Variants in TG observed in about 807,000 individuals in gnomAD.
TG encodes thyroglobulin, also known as thyroid hormones.
In TG, 270 loss-of-function variants were observed where a neutral mutation model predicts 324.7. The ratio of observed to expected loss-of-function variants is 0.83; its 90% CI spans 0.75 to 0.92. The LOEUF is 0.92. Among genes scored for constraint, TG ranks in the 40% least tolerant of loss-of-function variants. The pLI, the probability that TG is intolerant of heterozygous loss-of-function variation, is 0.00. For synonymous variants in TG, 1,401 were observed against 1,327.0 expected (o/e 1.06, Z -1.21); for missense variants, 3,591 against 3,456.4 (o/e 1.04, Z -0.98).
At chr8:133,118,318 TC>T (rs1850864370) in intron 45 of TG, among the ~76,000 whole-genome samples, 5 of 137,284 alleles carry the variant, frequency 3.6e-5, no homozygotes, top group Non-Finnish European at 7.7e-5. Context: ...AACAGATTCT[TC>T]CTTTTTTTTT....
intron 35 of TG, among the ~76,000 whole-genome samples, chr8:133,006,429 G>C (rs1020173121): frequency 6.6e-6 from 1 of 152,258 alleles, no homozygotes; most frequent in African/African-American, 2.4e-5. Flanking sequence ...AAGAGAATCT[G>C]ATGCTCACCC....
chr8:132,880,397 T>C (rs1291207290), intron 5 of TG, among the ~76,000 whole-genome samples: 2 of 152,250 alleles, frequency 1.3e-5, no homozygotes, highest in Non-Finnish European at 2.9e-5. Context: ...ATTATTATAC[T>C]ATTATGAGTA....
intron 41 of TG, among the ~76,000 whole-genome samples, chr8:133,058,591 C>T (rs564401382): frequency 7.6e-4 from 115 of 152,248 alleles, no homozygotes; most frequent in African/African-American, 2.4e-3. Context: ...CAGGGCCCTG[C>T]GGTGTCAGTT....
chr8:132,997,143 A>G (rs1049509128), intron 35 of TG, among the ~76,000 whole-genome samples: 1 of 152,236 alleles, frequency 6.6e-6, no homozygotes, highest in Non-Finnish European at 1.5e-5. Context: ...TCCTTTCTAG[A>G]TGAACATTCA....
chr8:132,881,758 C>A, intron 5 of TG, 105 bp from the exon 6 acceptor site: 1 of 793,236 alleles, frequency 1.3e-6, no homozygotes, highest in Non-Finnish European at 2.3e-6. Context: ...AGAAAGTAGA[C>A]ATTCCTTTTC....
chr8:132,908,071 T>A lies in TG; in HGVS notation c.3848-115T>A, dbSNP rs907730407. ...TCAGAATGACAATGCAAAATGGCAG[T>A]GCTTATGTGTTTTGAGCTCAATGAG... On this transcript the variant is annotated intron_variant, in intron 17 of 47. Transcript: ENST00000220616. 5 of 1,192,512 alleles carry A rather than the reference T, an allele frequency of 4.2e-6. No individual in the cohort carries two copies. In the African/African-American group the frequency reaches 7.3e-5, roughly 17 times the overall value. The allele number at this position is 1,192,512 out of a possible 1,614,324, so 73.9% of individuals were successfully genotyped here.
intron 41 of TG, among the ~76,000 whole-genome samples, chr8:133,070,190 C>T (rs1040499730): frequency 2.0e-5 from 3 of 152,022 alleles, no homozygotes; most frequent in Admixed American, 2.0e-4. Context: ...TAAATACTCC[C>T]ACCATGCTGA....
chr8:132,905,701 C>G (rs1818573472), intron 16 of TG, among the ~76,000 whole-genome samples: 1 of 152,110 alleles, frequency 6.6e-6, no homozygotes, highest in Non-Finnish European at 1.5e-5. Context: ...TCCCTGTGGA[C>G]TCAACCCAGT....
chr8:133,019,662 T>A lies in TG; in HGVS notation c.6843T>A (p.Cys2281Ter). ...CGTCTCCTGGAGTCAGTGAAGATTG[T>A]TTGTATCTCAATGTGTTCATCCCTC... The part of the protein sequence containing the change: ...TSTSPGVSED[C>*]LYLNVFIPQN... Residue 2281 changes from cysteine (C) to a stop codon, truncating the protein, a stop_gained, in exon 39 of 48, where the codon TGT (cysteine) becomes TGA (stop). Transcript: ENST00000220616. LOFTEE classifies it high-confidence loss of function. 1 of 1,613,610 alleles carries A rather than the reference T, an allele frequency of 6.2e-7. No homozygotes were observed. Among genetic ancestry groups the A allele is most frequent in the Non-Finnish European group, 8.5e-7 (1 of 1,179,706 alleles).
rs149351134 is a variant in TG, at chr8:133,036,385, A to G, written c.7239+6362A>G. The stretch of plus-strand genomic sequence containing the variant: ...GTGTCTATTTAGTAGGTGTCCAGAA[A>G]TATCTGCAGAAAGAAATTCTTGGAA... On this transcript the variant is annotated intron_variant, in intron 41 of 47. Coordinates refer to ENST00000220616, the MANE Select transcript of TG (RefSeq NM_003235.5). Among the ~76,000 whole-genome samples the G allele has an allele frequency of 3.9e-3, 593 of 152,356 alleles. 7 individuals are homozygous for G. Among genetic ancestry groups the G allele is most frequent in the African/African-American group, 0.014 (566 of 41,584 alleles).
intron 10 of TG, among the ~76,000 whole-genome samples, chr8:132,893,010 TGTGTG>T (rs1184892067): frequency 7.3e-6 from 1 of 136,252 alleles, no homozygotes; most frequent in African/African-American, 3.2e-5. Context: ...ATGTGGGTGG[TGTGTG>T]TGTGTGTGGT....
chr8:133,114,204 T>C (rs1850506167), intron 44 of TG, among the ~76,000 whole-genome samples: 1 of 152,148 alleles, frequency 6.6e-6, no homozygotes, highest in Non-Finnish European at 1.5e-5. Context: ...CAGCCCAAGC[T>C]CTGACAGCCC....
chr8:132,868,081 A>C, intron 1 of TG, 34 bp from the exon 2 acceptor site: 2 of 1,598,648 alleles, frequency 1.3e-6, no homozygotes, highest in Non-Finnish European at 1.7e-6. Context: ...CCCAGTCCAC[A>C]CTCTTCTTTG....
intron 22 of TG, among the ~76,000 whole-genome samples, chr8:132,927,106 C>T (rs1821978031): frequency 1.3e-5 from 2 of 152,152 alleles, no homozygotes; most frequent in South Asian, 4.1e-4. Context: ...AGTGCCTGAA[C>T]AGAGGTATTT....
rs573332715 is a variant in TG, at chr8:132,916,232, G to A, written c.4378+2967G>A. Among the ~76,000 whole-genome samples the A allele has an allele frequency of 2.0e-5, 3 of 152,230 alleles. No individual in the cohort carries two copies. In the South Asian group the frequency reaches 6.2e-4, roughly 32 times the overall value. On this transcript the variant is annotated intron_variant, in intron 20 of 47. Transcript: ENST00000220616. ...AGGGATAATAATACTTATTGCATGGGGTAATACCTATTGTTGTTTAGACAG... is the reference window on the plus strand; with the variant it reads ...AGGGATAATAATACTTATTGCATGGAGTAATACCTATTGTTGTTTAGACAG...
At chr8:132,971,115 C>T (rs1289254207) in intron 32 of TG, among the ~76,000 whole-genome samples, 1 of 152,128 alleles carries the variant, frequency 6.6e-6, no homozygotes, top group African/African-American at 2.4e-5. Context: ...TTGGAATTGA[C>T]CCCAGAAACA....
At chr8:133,081,346 G>A (rs1421159761) in intron 41 of TG, among the ~76,000 whole-genome samples, 1 of 152,256 alleles carries the variant, frequency 6.6e-6, no homozygotes, top group Admixed American at 6.5e-5. Flanking sequence ...TAAATAAATT[G>A]TGAATGGTGA....
At chr8:132,912,926 C>T in intron 19 of TG, 121 bp from the exon 20 acceptor site, 1 of 949,816 alleles carries the variant, frequency 1.1e-6, no homozygotes, top group Non-Finnish European at 1.6e-6. Context: ...AAATGAGACA[C>T]CACATGATGC....
At chr8:133,084,990 C>T (rs943863158) in intron 41 of TG, among the ~76,000 whole-genome samples, 1 of 152,214 alleles carries the variant, frequency 6.6e-6, no homozygotes, top group Non-Finnish European at 1.5e-5. Context: ...CTCTCTGAGC[C>T]TCACTCTTTA....
Sources: allele counts gnomAD v4.1 joint callset (sites outside exome capture counted in the v4.1 genomes callset), GRCh38; gene constraint gnomAD v4.1.1; transcripts MANE v1.5; gene names NCBI Gene and HGNC (gene_info 2026-07-23, HGNC 2026-07-21).